The following GLT1D1 variants were observed in gnomAD, a reference collection of about 807,000 sequenced individuals.
GLT1D1 encodes the protein glycosyltransferase 1 domain-containing protein 1.
In GLT1D1, 21 loss-of-function variants were observed where a neutral mutation model predicts 28.7. That is an observed-to-expected ratio of 0.73 (90% CI 0.52 to 1.05). The LOEUF (loss-of-function observed/expected upper bound fraction) is 1.05. Among genes scored for constraint, GLT1D1 ranks in the 50% least tolerant of loss-of-function variants. GLT1D1 has a pLI of 0.00. For synonymous variants in GLT1D1, 147 were observed against 124.8 expected (o/e 1.18, Z -1.19); for missense variants, 343 against 330.6 (o/e 1.04, Z -0.29).
intron 6 of GLT1D1, among the ~76,000 whole-genome samples, chr12:128,947,930 G>T (rs548608290): frequency 1.3e-5 from 2 of 152,194 alleles, no homozygotes; most frequent in African/African-American, 2.4e-5. Context: ...CGTAGATGAC[G>T]GGGTGGCGTG....
rs144870649 is a variant in GLT1D1, at chr12:128,886,595, C to G, written c.218-2044C>G. Among the ~76,000 whole-genome samples the G allele has an allele frequency of 1.6e-4, 24 of 149,426 alleles. No homozygotes were observed. In the East Asian group the frequency reaches 4.3e-3, roughly 27 times the overall value. ...TGAGGGGCATCCACATGTCTTGGCT[C>G]ATGGCCCTTCCTCCATGTCCAGAGC... On this transcript the variant is annotated intron_variant, in intron 2 of 7. Coordinates refer to ENST00000281703, the MANE Select transcript of GLT1D1 (RefSeq NM_144669.3).
At chr12:128,912,446 A>G in intron 4 of GLT1D1, 2 of 1,524,436 alleles carry the variant, frequency 1.3e-6, no homozygotes, top group Non-Finnish European at 1.8e-6. Context: ...GGTAAGGTCT[A>G]TGTCCAGAGT....
chr12:128,935,115 C>T (rs866639441), intron 4 of GLT1D1, among the ~76,000 whole-genome samples: 57 of 152,282 alleles, frequency 3.7e-4, no homozygotes, highest in African/African-American at 1.3e-3. Context: ...CAAGTACAGG[C>T]GGGGTGCGGG....
intron 2 of GLT1D1, among the ~76,000 whole-genome samples, chr12:128,887,368 A>T (rs1014078430): frequency 1.3e-5 from 2 of 151,966 alleles, no homozygotes; most frequent in African/African-American, 4.8e-5. Context: ...GACAACAGTT[A>T]TTATTTTGTG....
At chr12:128,941,929 T>TA (rs1332287763) in intron 4 of GLT1D1, among the ~76,000 whole-genome samples, 14 of 116,892 alleles carry the variant, frequency 1.2e-4, no homozygotes, top group Admixed American at 2.8e-4. Context: ...TTTTTTTTTT[T>TA]ACTATTATTG....
intron 3 of GLT1D1, 28 bp downstream of exon 3, chr12:128,888,772 C>T (rs774348834): frequency 5.9e-6 from 8 of 1,365,422 alleles, no homozygotes; most frequent in African/African-American, 5.8e-5. Context: ...TTCATCCATG[C>T]CAAACATTTA....
chr12:128,884,131 A>G (rs1179067032), intron 2 of GLT1D1, among the ~76,000 whole-genome samples: 1 of 152,226 alleles, frequency 6.6e-6, no homozygotes, highest in Non-Finnish European at 1.5e-5. Flanking sequence ...TCACTGCAGC[A>G]CTATTCAAAA....
At chr12:128,928,182 C>T (rs1286287138) in intron 4 of GLT1D1, among the ~76,000 whole-genome samples, 2 of 151,996 alleles carry the variant, frequency 1.3e-5, no homozygotes, top group African/African-American at 2.4e-5. Flanking sequence ...GCTCAACAAA[C>T]TTGGCACGGT....
At chr12:128,938,838 T>A (rs1412334009) in intron 4 of GLT1D1, among the ~76,000 whole-genome samples, 1 of 152,234 alleles carries the variant, frequency 6.6e-6, no homozygotes, top group Non-Finnish European at 1.5e-5. Context: ...TGCATATATT[T>A]AGGAATTTTT....
At position 128,888,701 on chromosome 12, in the gene GLT1D1, G is replaced by T. The variant is rs959489771; in HGVS notation, c.280G>T (p.Ala94Ser). 3 of 1,613,780 alleles carry T rather than the reference G, an allele frequency of 1.9e-6. No homozygotes were observed. The highest frequency in any genetic ancestry group is 3.3e-5 in the Admixed American group (2 of 59,976). The change falls in exon 3 of 8, where the codon GCG becomes TCG. Residue 94 changes from alanine to serine, a missense_variant. Transcript: ENST00000281703. ...TGATGTAAATGAAGATGCCAACCAG[G>T]CGGAAAAAAACACAGTCATGGGCAG...
At chr12:128,932,488 T>G (rs1874028991) in intron 4 of GLT1D1, among the ~76,000 whole-genome samples, 3 of 152,206 alleles carry the variant, frequency 2.0e-5, no homozygotes, top group Admixed American at 2.0e-4. Context: ...TCTGAGAGTT[T>G]TTTAAATTCG....
At chr12:128,881,171 C>G (rs1243218388) in intron 2 of GLT1D1, among the ~76,000 whole-genome samples, 1 of 144,268 alleles carries the variant, frequency 6.9e-6, no homozygotes. Context: ...TTGCAGTGAG[C>G]CGAGATCCTG....
intron 2 of GLT1D1, among the ~76,000 whole-genome samples, chr12:128,882,729 A>G (rs958999583): frequency 6.6e-6 from 1 of 152,052 alleles, no homozygotes; most frequent in Non-Finnish European, 1.5e-5. Flanking sequence ...CATCGTTTCA[A>G]GTGTGTGTGA....
intron 4 of GLT1D1, chr12:128,944,855 T>C (rs1179596867): frequency 9.9e-6 from 3 of 301,568 alleles, no homozygotes; most frequent in African/African-American, 2.2e-5. Flanking sequence ...TGTGCAGGTT[T>C]GTTACATAGG....
chr12:128,932,765 G>A (rs470576), intron 4 of GLT1D1, among the ~76,000 whole-genome samples: 45,651 of 151,892 alleles, frequency 0.3, 7,586 homozygotes, highest in South Asian at 0.43. Context: ...TAGCAGAGGC[G>A]AAGGCTCTGG....
At position 128,895,165 on chromosome 12, in the gene GLT1D1, A is replaced by C. The variant is rs1019850500; in HGVS notation, c.324-4071A>C. ...TCAAAGGAGTCCTGGTTCCTTTATA[A>C]TTTTTTTTTGTCCTTTTAGAGAATA... is the stretch of plus-strand genomic sequence containing the variant. On this transcript the variant is annotated intron_variant, in intron 3 of 7. Transcript: ENST00000281703. 1.2e-4 allele frequency among the ~76,000 whole-genome samples: 18 copies of C among 150,870 alleles called. No homozygotes were observed. The East Asian group carries it at 2.5e-3, about 21-fold the overall frequency.
intron 7 of GLT1D1, among the ~76,000 whole-genome samples, chr12:128,968,612 G>A (rs1035252062): frequency 2.6e-5 from 4 of 152,040 alleles, no homozygotes; most frequent in African/African-American, 7.2e-5. Flanking sequence ...GCAGTGAGCC[G>A]AGATCATGTC....
In GLT1D1 at chr12:128,952,773, C is replaced by CTTTTTTTTTTTTT. The variant is rs71072430; in HGVS notation, c.541-4759_541-4747dup. On this transcript the variant is annotated intron_variant, in intron 6 of 7. Coordinates refer to ENST00000281703, the MANE Select transcript of GLT1D1 (RefSeq NM_144669.3). ...TACAGGTGTGAGCCACCGTGACTGG[C>CTTTTTTTTTTTTT]TTTTTTTTTTTTTTTTTTTTTTTTT... Among the ~76,000 whole-genome samples the CTTTTTTTTTTTTT allele has an allele frequency of 5.1e-5, 3 of 58,934 alleles. 1 individual carries two copies. The highest frequency in any genetic ancestry group is 3.3e-4 in the Admixed American group (1 of 3,058). 38.7% of individuals were successfully genotyped at this position (58,934 alleles called of 152,430 possible).
chr12:128,871,546 A>T (rs1479284146), intron 1 of GLT1D1, among the ~76,000 whole-genome samples: 1 of 152,198 alleles, frequency 6.6e-6, no homozygotes, highest in Non-Finnish European at 1.5e-5. Context: ...AAAGAAACAG[A>T]AAGAGAGAGA....
Sources: gnomAD v4.1 joint callset for allele counts (sites outside exome capture counted in the v4.1 genomes callset) on GRCh38, gnomAD v4.1.1 for gene constraint, MANE v1.5 for transcripts, NCBI Gene and HGNC (gene_info 2026-07-23, HGNC 2026-07-21) for gene names.